PFAS: variants seen among roughly 807,000 people sequenced by gnomAD.
The protein encoded by PFAS is phosphoribosylformylglycinamidine synthase.
PFAS carries 97 observed loss-of-function variants against 140.6 expected under a neutral mutation model. That is an observed-to-expected ratio of 0.69 (90% CI 0.59 to 0.82). The LOEUF is 0.82. Ranked by LOEUF, PFAS falls within the 40% of genes least tolerant of loss-of-function variation. The pLI is 0.00. For synonymous variants in PFAS, 679 were observed against 718.8 expected (o/e 0.94, Z 0.88); for missense variants, 1,656 against 1,780.2 (o/e 0.93, Z 1.26).
At position 8,266,114 on chromosome 17, in the gene PFAS, G is replaced by A. The variant is rs1597429298; in HGVS notation, c.2701+97G>A. On this transcript the variant is annotated intron_variant, in intron 21 of 27. Coordinates refer to ENST00000314666, the MANE Select transcript of PFAS (RefSeq NM_012393.3). This position sits in a 1 kb window ranked among gnomAD's most constrained non-coding sequence, Gnocchi z 5.0. The stretch of plus-strand genomic sequence containing the variant: ...TGGGGCAAAAGGGACTCCAATGGAC[G>A]ATGTACCCCAGATCCCCTGACATTC... The A allele has an allele frequency of 5.9e-6, 9 of 1,532,926 alleles. No homozygotes were observed. The Admixed American group carries it at 7.3e-5, about 12-fold the overall frequency. The allele number at this position is 1,532,926 out of a possible 1,614,324, so 95.0% of individuals were successfully genotyped here.
intron 16 of PFAS, 51 bp downstream of exon 16, chr17:8,264,388 C>T (rs1344991008): frequency 3.1e-6 from 5 of 1,612,428 alleles, no homozygotes; most frequent in Non-Finnish European, 4.2e-6. Flanking sequence ...TCCACACCAC[C>T]CTTTACCCTA....
chr17:8,248,049 C>T (rs1350918599), upstream of PFAS: 2 of 1,599,656 alleles, frequency 1.3e-6, no homozygotes, highest in South Asian at 2.2e-5. Flanking sequence ...TGCGCCGGAG[C>T]TCCGCCCCCG....
Position 8,255,600 on chromosome 17 carries a change from C to T in PFAS, c.483C>T (p.Phe161=). ...EQHFPHPIQS[F]SPESMPEPLN... The stretch of plus-strand genomic sequence containing the variant: ...ACTTCCCCCATCCCATCCAGAGTTT[C>T]TCCCCTGAGAGCATGCCGGAACCCC... The change falls in exon 5 of 28, where the codon TTC becomes TTT. Residue 161 remains phenylalanine, a synonymous_variant. Transcript: ENST00000314666. The T allele has an allele frequency of 1.3e-6, 2 of 1,577,866 alleles. No homozygotes were observed. Among genetic ancestry groups the T allele is most frequent in the Non-Finnish European group, 1.7e-6 (2 of 1,165,176 alleles).
Position 8,267,101 on chromosome 17 carries a change from C to T in PFAS, c.3041C>T (p.Thr1014Met), listed in dbSNP as rs766687316. 5 of 1,613,766 alleles carry T rather than the reference C, an allele frequency of 3.1e-6. No homozygotes were observed. The highest frequency in any genetic ancestry group is 1.7e-5 in the Admixed American group (1 of 59,990). ...GAGCTGCGAGCCCTCTGGGAGGAGACGAGTTTCCAGCTGGACCGGCTACAG... is the reference window on the plus strand; with the variant it reads ...GAGCTGCGAGCCCTCTGGGAGGAGATGAGTTTCCAGCTGGACCGGCTACAG... ...VGELRALWEE[T>M]SFQLDRLQAE... Residue 1014 changes from threonine to methionine, a missense_variant, in exon 24 of 28, where the codon ACG (threonine) becomes ATG (methionine). This residue lies in a region of PFAS where 883 missense variants were observed against 1,023.0 expected (regional missense o/e 0.86). Coordinates refer to ENST00000314666, the MANE Select transcript of PFAS (RefSeq NM_012393.3). The surrounding 1 kb of genome is among the most constrained non-coding windows in gnomAD (Gnocchi z 4.9).
rs1487531060 is a variant in PFAS at position 8,269,169 on chromosome 17, G to A, written c.3922G>A (p.Ala1308Thr). The A allele has an allele frequency of 1.2e-6, 2 of 1,613,748 alleles. No individual in the cohort carries two copies. Among genetic ancestry groups the A allele is most frequent in the East Asian group, 2.2e-5 (1 of 44,874 alleles). ...GCGGGCCGTTAGGCCTTGGCAGTGG[G>A]CATGGCGACCCCCTCCATTTGATAC... ...PERAVRPWQW[A>T]WRPPPFDTLT... is the part of the protein sequence containing the mutation. Residue 1308 changes from alanine to threonine, a missense_variant, in exon 28 of 28, where the codon GCA becomes ACA. By Grantham distance (58) the Ala-to-Thr change is moderately conservative (BLOSUM62 0). Around this residue, in one of 2 missense-constraint regions of PFAS, gnomAD observed 883 missense variants for 1,023.0 expected, o/e 0.86. Coordinates refer to ENST00000314666, the MANE Select transcript of PFAS (RefSeq NM_012393.3).
chr17:8,257,945 C>CTGGGG lies in PFAS; in HGVS notation c.1207+10_1207+14dup, dbSNP rs1491261635. ...GGGGAACCAGTGCTGGCTGGTGAGG[C>CTGGGG]TGGGGTGTGGAGGGATGACAAACAC... On this transcript the variant is annotated splice_region_variant and intron_variant, in intron 10 of 27. Transcript: ENST00000314666. 1 of 1,614,038 alleles carries CTGGGG rather than the reference C, an allele frequency of 6.2e-7. No homozygotes were observed. The highest frequency in any genetic ancestry group is 8.5e-7 in the Non-Finnish European group (1 of 1,179,940).
At chr17:8,262,421 A>G (rs1229515039) in intron 11 of PFAS, 1 of 158,898 alleles carries the variant, frequency 6.3e-6, no homozygotes, top group Non-Finnish European at 1.4e-5. Context: ...GACTGTGTGC[A>G]TTTGTCATTT....
At chr17:8,255,196 T>C (rs1381123263) in intron 4 of PFAS, 64 bp downstream of exon 4, 15 of 1,235,448 alleles carry the variant, frequency 1.2e-5, no homozygotes, top group Non-Finnish European at 1.8e-5. Context: ...TCCTAAGCTC[T>C]AGAGAGAAGC....
In PFAS at chr17:8,269,715, A is replaced by C. The variant is rs76079947; in HGVS notation, c.*451A>C. 13 of 165,810 alleles carry C rather than the reference A, an allele frequency of 7.8e-5. No homozygotes were observed. In the East Asian group the frequency reaches 2.2e-3, roughly 28 times the overall value. 10.3% of individuals were successfully genotyped at this position (165,810 alleles called of 1,614,324 possible). On this transcript the variant is annotated 3_prime_UTR_variant, in exon 28 of 28. Coordinates refer to ENST00000314666, the MANE Select transcript of PFAS (RefSeq NM_012393.3). ...ATGCAGATCAGCCCCTCACCACCTC[A>C]TTGTTCTCATCTGGAACTGAAACTT...
chr17:8,248,042 G>A (rs760373843), upstream of PFAS: 2 of 1,591,290 alleles, frequency 1.3e-6, no homozygotes, highest in South Asian at 1.1e-5. Flanking sequence ...GCCATGATGC[G>A]CCGGAGCTCC....
At chr17:8,257,429 G>C (rs1467755964) in intron 9 of PFAS, among the ~76,000 whole-genome samples, 3 of 152,140 alleles carry the variant, frequency 2.0e-5, no homozygotes, top group African/African-American at 7.2e-5. Context: ...GGTGGCGGGC[G>C]CCTATAGTCC....
At position 8,263,009 on chromosome 17, in the gene PFAS, T is replaced by C. The variant is rs769120971; in HGVS notation, c.1410+16T>C. ...ATCTGTGCAGGTGAGTGGGAATTGC[T>C]AAAGGTGCAGAATCCTTGATATAAC... is the stretch of plus-strand genomic sequence containing the variant. On this transcript the variant is annotated intron_variant, in intron 12 of 27. Coordinates refer to ENST00000314666, the MANE Select transcript of PFAS (RefSeq NM_012393.3). The C allele has an allele frequency of 6.2e-7, 1 of 1,613,044 alleles. No homozygotes were observed. Among genetic ancestry groups the C allele is most frequent in the Admixed American group, 1.7e-5 (1 of 60,026 alleles).
chr17:8,261,978 T>A (rs1989612189), intron 11 of PFAS, among the ~76,000 whole-genome samples: 1 of 149,236 alleles, frequency 6.7e-6, no homozygotes, highest in African/African-American at 2.5e-5. Flanking sequence ...ATTGCATCAC[T>A]GCACTCCAGC....
rs1989951984 is a variant in PFAS, at chr17:8,269,537, A to T, written c.*273A>T. ...GAGAAAAGAGCGACAAGGAAAAGTT[A>T]GGACTCCTGAGGTCCGAACAGGGGC... On this transcript the variant is annotated 3_prime_UTR_variant, in exon 28 of 28. Coordinates refer to ENST00000314666, the MANE Select transcript of PFAS (RefSeq NM_012393.3). The T allele has an allele frequency of 5.8e-5, 24 of 413,968 alleles. No individual in the cohort carries two copies. In the South Asian group the frequency reaches 1.0e-3, roughly 17 times the overall value. 25.6% of individuals were successfully genotyped at this position (413,968 alleles called of 1,614,324 possible).
Position 8,267,219 on chromosome 17 carries a change from C to G in PFAS, c.3159C>G (p.Ser1053=), listed in dbSNP as rs368592464. ...YCLPPTFPKA[S]VPREPGGPSP... ...TGCCCCCCACCTTTCCCAAAGCCTC[C>G]GTGCCCCGTGAGCCTGGTGAGGGAG... The change falls in exon 24 of 28, where the codon TCC becomes TCG. Residue 1053 remains serine (S), a synonymous_variant. Coordinates refer to ENST00000314666, the MANE Select transcript of PFAS (RefSeq NM_012393.3). The surrounding 1 kb of genome is among the most constrained non-coding windows in gnomAD (Gnocchi z 4.9). The G allele has an allele frequency of 6.2e-7, 1 of 1,608,024 alleles. No homozygotes were observed. Among genetic ancestry groups the G allele is most frequent in the East Asian group, 2.2e-5 (1 of 44,700 alleles).
chr17:8,255,331 A>T (rs757791500), intron 4 of PFAS, among the ~76,000 whole-genome samples, 171 bp from the exon 5 acceptor site: 2 of 152,182 alleles, frequency 1.3e-5, no homozygotes, highest in East Asian at 1.9e-4. Context: ...TAATTTGTGC[A>T]TCCTGGCATG....
chr17:8,256,410 G>C lies in PFAS; in HGVS notation c.821+3G>C. 1 of 1,614,058 alleles carries C rather than the reference G, an allele frequency of 6.2e-7. No homozygotes were observed. The highest frequency in any genetic ancestry group is 8.5e-7 in the Non-Finnish European group (1 of 1,180,020). On this transcript the variant is annotated splice_donor_region_variant and intron_variant, in intron 7 of 27. Coordinates refer to ENST00000314666, the MANE Select transcript of PFAS (RefSeq NM_012393.3). ...CTCAAATTCTGTGATAACAGCAGGT[G>C]CTGTGCCCTAGACTGGGTTGGCGTC...
Position 8,263,646 on chromosome 17 carries a change from G to A in PFAS, c.1629+10G>A, listed in dbSNP as rs201840197. The stretch of plus-strand genomic sequence containing the variant: ...CACCAGCCGCTTCCAGGTGGGTCTC[G>A]TCCCCTGAAGTGTGACATTTTCCCA... On this transcript the variant is annotated intron_variant, in intron 14 of 27. Coordinates refer to ENST00000314666, the MANE Select transcript of PFAS (RefSeq NM_012393.3). The A allele has an allele frequency of 4.8e-5, 78 of 1,612,824 alleles. No homozygotes were observed. The highest frequency in any genetic ancestry group is 4.4e-4 in the African/African-American group (33 of 74,868).
rs755921498 is a variant in PFAS at position 8,255,097 on chromosome 17, G to A, written c.349G>A (p.Asp117Asn). The A allele has an allele frequency of 6.2e-7, 1 of 1,613,748 alleles. No individual in the cohort carries two copies. The highest frequency in any genetic ancestry group is 2.2e-5 in the East Asian group (1 of 44,854). The stretch of plus-strand genomic sequence containing the variant: ...CCGCGCCACTGGGCTGGGGCCTGTG[G>A]ATCGTGTGGAGACCACCCGGCGCTA... ...VCRATGLGPV[D>N]RVETTRRYRL... The change falls in exon 4 of 28, where the codon GAT becomes AAT. Residue 117 changes from aspartate to asparagine, a missense_variant. Transcript: ENST00000314666.
Sources: allele counts gnomAD v4.1 joint callset (sites outside exome capture counted in the v4.1 genomes callset), GRCh38; gene constraint gnomAD v4.1.1; regional missense constraint gnomAD v4.1.1; non-coding constraint Gnocchi (gnomAD v3.1); transcripts MANE v1.5; gene names NCBI Gene and HGNC (gene_info 2026-07-23, HGNC 2026-07-21).